The following VPS13C variants were observed in gnomAD, a reference collection of about 807,000 sequenced individuals.
VPS13C encodes vacuolar protein sorting 13 homolog C.
Under a neutral mutation model 456.8 loss-of-function variants are expected in VPS13C, and 358 were observed. That is an observed-to-expected ratio of 0.78 (90% confidence interval 0.72 to 0.86). The LOEUF (loss-of-function observed/expected upper bound fraction) is 0.86. Among genes scored for constraint, VPS13C ranks in the 40% least tolerant of loss-of-function variants. The pLI is 0.00. For missense variants in VPS13C, 4,818 were observed against 4,385.4 expected (o/e 1.10, Z -2.79); for synonymous variants, 1,578 against 1,486.7 (o/e 1.06, Z -1.41).
At chr15:61,907,589 C>A (rs1360428735) in intron 65 of VPS13C, among the ~76,000 whole-genome samples, 199 bp from the exon 66 acceptor site, 1 of 152,082 alleles carries the variant, frequency 6.6e-6, no homozygotes, top group East Asian at 1.9e-4. Context: ...AGAATATTGC[C>A]CTTTCTGAAG....
chr15:61,876,287 T>A (rs1018958199), intron 75 of VPS13C, among the ~76,000 whole-genome samples: 4 of 151,922 alleles, frequency 2.6e-5, no homozygotes, highest in Non-Finnish European at 1.5e-5. Context: ...CAAAATTTTT[T>A]AAAAAGGGAA....
chr15:61,920,433 C>G, intron 56 of VPS13C, 65 bp downstream of exon 56: 1 of 1,483,850 alleles, frequency 6.7e-7, no homozygotes, highest in Non-Finnish European at 9.0e-7. Context: ...ATTTTGATGA[C>G]AAAAAAATTA....
rs995661040 is a variant in VPS13C at position 61,880,670 on chromosome 15, G to A, written c.9941C>T (p.Thr3314Ile). 11 of 1,601,516 alleles carry A rather than the reference G, an allele frequency of 6.9e-6. No homozygotes were observed. The highest frequency in any genetic ancestry group is 9.4e-6 in the Non-Finnish European group (11 of 1,175,286). ...AAGAATTGACATATCAGTCATTGAA[G>A]TCTCCATTAATTCTGCATTTAGAGC... ...IDALNAELME[T>I]SMTDMSILSF... Residue 3314 changes from threonine (T) to isoleucine (I), a missense_variant, in exon 73 of 85, where the codon ACT becomes ATT. Thr to Ile is a moderately conservative substitution (Grantham distance 89, BLOSUM62 -1). Coordinates refer to ENST00000644861, the MANE Select transcript of VPS13C (RefSeq NM_020821.3).
chr15:61,988,307 C>A (rs1423600565), intron 18 of VPS13C, among the ~76,000 whole-genome samples: 1 of 152,186 alleles, frequency 6.6e-6, no homozygotes, highest in Non-Finnish European at 1.5e-5. Context: ...TGTCCAAATT[C>A]ATCAAATAAA....
chr15:62,025,474 T>G (rs1283200447), intron 6 of VPS13C, among the ~76,000 whole-genome samples: 1 of 152,022 alleles, frequency 6.6e-6, no homozygotes, highest in East Asian at 1.9e-4. Flanking sequence ...AAGAAACAAG[T>G]AAGAAAGCCA....
Position 61,963,871 on chromosome 15 carries a change from T to G in VPS13C, c.3295A>C (p.Asn1099His). Residue 1099 changes from asparagine to histidine, a missense_variant, in exon 32 of 85, where the codon AAC becomes CAC. By Grantham distance (68) the Asn-to-His change is moderately conservative. This residue lies in a region of VPS13C where 4,552 missense variants were observed against 4,130.6 expected (regional missense o/e 1.10). Transcript: ENST00000644861. ...KLNAFCVIVC[N>H]EKNNIAEIKI... ...ATTTCGGCGATATTGTTCTTTTCGT[T>G]GCAAACAATGACACAGAAAGCATTC... The G allele has an allele frequency of 6.2e-7, 1 of 1,612,318 alleles. No individual in the cohort carries two copies. The highest frequency in any genetic ancestry group is 1.3e-5 in the African/African-American group (1 of 74,910).
In VPS13C at chr15:61,950,945, C is replaced by A; in HGVS notation, c.4536G>T (p.Lys1512Asn). ...DEPLLKMLLT[K>N]ADSDGPEFKT... ...GAATCCTAGAAATGAAACTAGTTAC[C>A]TTTGTCAGTAACATTTTCAGAAGGG... Residue 1512 changes from lysine (K) to asparagine (N), a missense_variant and splice_region_variant, in exon 40 of 85, where the codon AAG becomes AAT. Around this residue, in one of 3 missense-constraint regions of VPS13C, gnomAD observed 4,552 missense variants for 4,130.6 expected, o/e 1.10. Transcript: ENST00000644861. 6.3e-7 allele frequency: 1 copy of A among 1,584,630 alleles called. No individual in the cohort carries two copies. Among genetic ancestry groups the A allele is most frequent in the South Asian group, 1.2e-5 (1 of 86,944 alleles).
chr15:61,854,201 GT>G lies in VPS13C; in HGVS notation c.*255del. 2.0e-6 allele frequency: 1 copy of G among 502,418 alleles called. No homozygotes were observed. The highest frequency in any genetic ancestry group is 3.1e-5 in the East Asian group (1 of 32,518). 31.1% of individuals were successfully genotyped at this position (502,418 alleles called of 1,614,324 possible). On this transcript the variant is annotated 3_prime_UTR_variant, in exon 85 of 85. Coordinates refer to ENST00000644861, the MANE Select transcript of VPS13C (RefSeq NM_020821.3). ...AATATTAATGAAAATTTCATTCTGAGTTTGAAGTGACGTTTCTTCAAGGGTC... is the reference window on the plus strand; with the variant it reads ...AATATTAATGAAAATTTCATTCTGAGTTGAAGTGACGTTTCTTCAAGGGTC...
chr15:62,056,869 C>A (rs1259895766), intron 1 of VPS13C, among the ~76,000 whole-genome samples: 2 of 152,238 alleles, frequency 1.3e-5, no homozygotes, highest in Non-Finnish European at 2.9e-5. Context: ...GGCTGCCAGG[C>A]AGGGAAGGGC....
At chr15:61,914,283 C>G (rs2043393573) in intron 61 of VPS13C, among the ~76,000 whole-genome samples, 1 of 152,030 alleles carries the variant, frequency 6.6e-6, no homozygotes, top group African/African-American at 2.4e-5. Flanking sequence ...TAAAACCCTT[C>G]AGGTGCCATG....
At chr15:61,992,327 ACTCCTT>A (rs2046248425) in intron 16 of VPS13C, among the ~76,000 whole-genome samples, 1 of 152,090 alleles carries the variant, frequency 6.6e-6, no homozygotes, top group Non-Finnish European at 1.5e-5. Context: ...ATTTTCTATC[ACTCCTT>A]CTCTTTGCCC....
chr15:61,929,606 C>T lies in VPS13C; in HGVS notation c.6181G>A (p.Ala2061Thr). ...CASVEFLMTV[A>T]DFFIKAVPQS... Reference sequence around the variant, plus strand: ...GGCACAGCTTTGATAAAGAAATCTGCCACAGTCATCAGAAATTCCACACTG... The same window carrying T: ...GGCACAGCTTTGATAAAGAAATCTGTCACAGTCATCAGAAATTCCACACTG... The change falls in exon 51 of 85, where the codon GCA becomes ACA. Residue 2061 changes from alanine to threonine, a missense_variant. Coordinates refer to ENST00000644861, the MANE Select transcript of VPS13C (RefSeq NM_020821.3). The T allele has an allele frequency of 1.9e-6, 3 of 1,614,040 alleles. No homozygotes were observed. The highest frequency in any genetic ancestry group is 1.7e-5 in the Admixed American group (1 of 60,016).
In VPS13C at chr15:62,051,757, G is replaced by C. The variant is rs1373876622; in HGVS notation, c.101-7502C>G. Among the ~76,000 whole-genome samples the C allele has an allele frequency of 3.3e-5, 5 of 152,212 alleles. No individual in the cohort carries two copies. In the South Asian group the frequency reaches 8.3e-4, roughly 25 times the overall value. ...AGGGCACAGGCAGAACGGTAGGATAGAGTCAAGGGGGTTATGTTCAGAGCA... is the reference window on the plus strand; with the variant it reads ...AGGGCACAGGCAGAACGGTAGGATACAGTCAAGGGGGTTATGTTCAGAGCA... On this transcript the variant is annotated intron_variant, in intron 1 of 84. Transcript: ENST00000644861.
chr15:61,991,794 C>T lies in VPS13C; in HGVS notation c.1362G>A (p.Arg454=), dbSNP rs531016364. The T allele has an allele frequency of 4.1e-4, 661 of 1,609,556 alleles. 11 individuals are homozygous for T. In the South Asian group the frequency reaches 7.1e-3, roughly 17 times the overall value. ...ACTTTTTCCTTAATTTTTGCCCAGACCGAATCACCTGAAAAATAAAAATTA... is the reference window on the plus strand; with the variant it reads ...ACTTTTTCCTTAATTTTTGCCCAGATCGAATCACCTGAAAAATAAAAATTA... ...ARQQAQVEVI[R]SGQKLRKKSA... is the part of the protein sequence containing the mutation. Residue 454 remains arginine (R), a synonymous_variant, in exon 17 of 85, where the codon CGG becomes CGA. Transcript: ENST00000644861.
chr15:62,001,566 C>A (rs572664779), intron 15 of VPS13C, among the ~76,000 whole-genome samples: 1 of 152,012 alleles, frequency 6.6e-6, no homozygotes, highest in Admixed American at 6.6e-5. Flanking sequence ...ATGTGCACAA[C>A]GTGCAGGTTA....
rs751093333 is a variant in VPS13C at position 61,966,070 on chromosome 15, C to T, written c.3051+13G>A. 55 of 1,592,674 alleles carry T rather than the reference C, an allele frequency of 3.5e-5. No homozygotes were observed. The highest frequency in any genetic ancestry group is 4.5e-5 in the Non-Finnish European group (53 of 1,166,612). ...TTTCAAACAGGATAAATTCCTTTAACAGAATTTCTTACCTTAACTGTTTGT... is the reference window on the plus strand; with the variant it reads ...TTTCAAACAGGATAAATTCCTTTAATAGAATTTCTTACCTTAACTGTTTGT... On this transcript the variant is annotated intron_variant, in intron 30 of 84. Coordinates refer to ENST00000644861, the MANE Select transcript of VPS13C (RefSeq NM_020821.3).
rs60910951 is a variant in VPS13C at position 61,914,878 on chromosome 15, T to TAAAA, written c.8445+751_8445+754dup. Among the ~76,000 whole-genome samples the TAAAA allele has an allele frequency of 8.1e-3, 821 of 101,952 alleles. 69 individuals are homozygous for TAAAA. The highest frequency in any genetic ancestry group is 0.011 in the Non-Finnish European group (575 of 51,194). The allele number at this position is 101,952 out of a possible 152,430, so 66.9% of individuals were successfully genotyped here. A position where few individuals can be genotyped will look rare whatever the true frequency, so the allele number is the denominator to read the frequency against. ...ACCGAGCCTGGCCAAAACTCTGCCTTAAAAAAAAAAAAAAAAAAAAAAAAA... is the reference window on the plus strand; with the variant it reads ...ACCGAGCCTGGCCAAAACTCTGCCTTAAAAAAAAAAAAAAAAAAAAAAAAAAAAA... On this transcript the variant is annotated intron_variant, in intron 61 of 84. Transcript: ENST00000644861.
At position 61,991,109 on chromosome 15, in the gene VPS13C, C is replaced by T. The variant is rs1190318021; in HGVS notation, c.1484-15G>A. ...GTCATCAATAGCTATGAAAAAACAA[C>T]ATTTTAAGAAATTAATTGCTTCCAT... On this transcript the variant is annotated splice_polypyrimidine_tract_variant and intron_variant, in intron 17 of 84. Coordinates refer to ENST00000644861, the MANE Select transcript of VPS13C (RefSeq NM_020821.3). 2.6e-6 allele frequency: 4 copies of T among 1,550,162 alleles called. No individual in the cohort carries two copies. The highest frequency in any genetic ancestry group is 3.5e-6 in the Non-Finnish European group (4 of 1,141,008).
At chr15:61,997,005 A>G (rs1403771216) in intron 16 of VPS13C, among the ~76,000 whole-genome samples, 1 of 150,896 alleles carries the variant, frequency 6.6e-6, no homozygotes, top group Non-Finnish European at 1.5e-5. Context: ...ATACATATAT[A>G]TATATATGTA....
Sources: allele counts gnomAD v4.1 joint callset (sites outside exome capture counted in the v4.1 genomes callset), GRCh38; gene constraint gnomAD v4.1.1; regional missense constraint gnomAD v4.1.1; transcripts MANE v1.5; gene names NCBI Gene and HGNC (gene_info 2026-07-23, HGNC 2026-07-21).